The following ST6GALNAC3 variants were observed in gnomAD, a reference collection of about 807,000 sequenced individuals.
ST6GALNAC3 encodes the protein ST6 N-acetylgalactosaminide alpha-2,6-sialyltransferase 3.
Under a neutral mutation model 32.7 loss-of-function variants are expected in ST6GALNAC3, and 25 were observed. The observed-to-expected ratio is 0.76, with a 90% confidence interval of 0.56 to 1.07. The LOEUF (loss-of-function observed/expected upper bound fraction) is 1.07, where lower values mean the gene tolerates loss of function less well. ST6GALNAC3 is among the 50% of genes least tolerant of loss of function. The pLI, the probability that ST6GALNAC3 is intolerant of heterozygous loss-of-function variation, is 0.00. For missense variants in ST6GALNAC3, 355 were observed against 382.4 expected (o/e 0.93, Z 0.60); for synonymous variants, 129 against 133.1 (o/e 0.97, Z 0.21).
At chr1:76,248,333 A>G (rs545966967) in intron 1 of ST6GALNAC3, among the ~76,000 whole-genome samples, 1 of 152,204 alleles carries the variant, frequency 6.6e-6, no homozygotes, top group South Asian at 2.1e-4. Flanking sequence ...AGTTGAGACT[A>G]CTTTTCTTCT....
chr1:76,181,386 A>G (rs1653170237), intron 1 of ST6GALNAC3, among the ~76,000 whole-genome samples: 1 of 152,192 alleles, frequency 6.6e-6, no homozygotes, highest in African/African-American at 2.4e-5. Context: ...GCTACCTGCT[A>G]ATGGCTCCCA....
intron 1 of ST6GALNAC3, among the ~76,000 whole-genome samples, chr1:76,229,730 G>A (rs1287362391): frequency 6.6e-6 from 1 of 152,130 alleles, no homozygotes; most frequent in Non-Finnish European, 1.5e-5. Context: ...CTTTGGGGTG[G>A]GGGCTGTGGC....
chr1:76,369,637 G>T (rs1650659668), intron 2 of ST6GALNAC3, among the ~76,000 whole-genome samples: 1 of 152,046 alleles, frequency 6.6e-6, no homozygotes. Flanking sequence ...CTGAGTCTCA[G>T]CCTCTTCCTT....
chr1:76,523,924 T>G (rs750996945), intron 3 of ST6GALNAC3, among the ~76,000 whole-genome samples: 34 of 152,132 alleles, frequency 2.2e-4, no homozygotes, highest in Non-Finnish European at 4.3e-4. Flanking sequence ...TTTCCCAGTC[T>G]ACCCATGTCA....
At chr1:76,133,265 C>A (rs74092528) in intron 1 of ST6GALNAC3, among the ~76,000 whole-genome samples, 2,455 of 152,252 alleles carry the variant, frequency 0.016, 73 homozygotes, top group African/African-American at 0.056. Flanking sequence ...GTTTCATCTT[C>A]AGGGACACCA....
intron 3 of ST6GALNAC3, among the ~76,000 whole-genome samples, chr1:76,573,514 C>T (rs1242035224): frequency 6.6e-6 from 1 of 152,092 alleles, no homozygotes; most frequent in Non-Finnish European, 1.5e-5. Context: ...CTGCTCAGAA[C>T]TTAGTGTGAC....
At chr1:76,137,460 G>T (rs1650015390) in intron 1 of ST6GALNAC3, among the ~76,000 whole-genome samples, 1 of 152,206 alleles carries the variant, frequency 6.6e-6, no homozygotes. Context: ...CCAAGGGATG[G>T]TGGTCAAGAA....
At chr1:76,136,654 C>T (rs921923764) in intron 1 of ST6GALNAC3, among the ~76,000 whole-genome samples, 5 of 152,128 alleles carry the variant, frequency 3.3e-5, no homozygotes, top group African/African-American at 1.2e-4. Flanking sequence ...GGTTAAATAT[C>T]AGAACTGGGG....
intron 3 of ST6GALNAC3, among the ~76,000 whole-genome samples, chr1:76,427,684 C>G (rs1003152862): frequency 2.8e-4 from 42 of 151,760 alleles, no homozygotes; most frequent in African/African-American, 9.7e-4. Context: ...TTAAATCTAT[C>G]TAGTTCATTA....
chr1:76,220,050 A>C (rs946599878), intron 1 of ST6GALNAC3, among the ~76,000 whole-genome samples: 2 of 152,076 alleles, frequency 1.3e-5, no homozygotes, highest in African/African-American at 2.4e-5. Context: ...GTAATGGCAA[A>C]CTCAAAAGTA....
At chr1:76,545,523 T>G (rs1168265201) in intron 3 of ST6GALNAC3, among the ~76,000 whole-genome samples, 1 of 152,114 alleles carries the variant, frequency 6.6e-6, no homozygotes, top group Admixed American at 6.5e-5. Flanking sequence ...TAAAAATAAT[T>G]ATATTATACT....
At chr1:76,523,790 G>A (rs1342024131) in intron 3 of ST6GALNAC3, among the ~76,000 whole-genome samples, 1 of 152,106 alleles carries the variant, frequency 6.6e-6, no homozygotes, top group East Asian at 1.9e-4. Context: ...ATTTTGAGGG[G>A]AAAATCAGTT....
chr1:76,126,093 A>G (rs1454278558), intron 1 of ST6GALNAC3, among the ~76,000 whole-genome samples: 2 of 152,214 alleles, frequency 1.3e-5, no homozygotes, highest in African/African-American at 4.8e-5. Flanking sequence ...ATAGGGCCTC[A>G]TTTCTTTGCC....
intron 1 of ST6GALNAC3, among the ~76,000 whole-genome samples, chr1:76,203,642 G>T (rs1345146416): frequency 6.6e-6 from 1 of 152,004 alleles, no homozygotes; most frequent in Non-Finnish European, 1.5e-5. Flanking sequence ...AAAATGATTT[G>T]TATTTAGCAT....
At position 76,387,826 on chromosome 1, in the gene ST6GALNAC3, C is replaced by T. The variant is rs182374153; in HGVS notation, c.214-24182C>T. Reference sequence around the variant, plus strand: ...GCCAGGTCATATAAAATAGAATTTGCTACTATTACTTGTATTTGATTTCCC... The same window carrying T: ...GCCAGGTCATATAAAATAGAATTTGTTACTATTACTTGTATTTGATTTCCC... On this transcript the variant is annotated intron_variant, in intron 2 of 4. Coordinates refer to ENST00000328299, the MANE Select transcript of ST6GALNAC3 (RefSeq NM_152996.4). Among the ~76,000 whole-genome samples the T allele has an allele frequency of 1.6e-3, 246 of 152,136 alleles. 1 individual carries two copies. The highest frequency in any genetic ancestry group is 5.8e-3 in the African/African-American group (240 of 41,488).
chr1:76,366,903 C>G (rs914149714), intron 2 of ST6GALNAC3, among the ~76,000 whole-genome samples: 1 of 152,146 alleles, frequency 6.6e-6, no homozygotes, highest in Non-Finnish European at 1.5e-5. Flanking sequence ...AAAAGAGAGA[C>G]TAAGAAGTCT....
chr1:76,421,863 T>C (rs1433985399), intron 3 of ST6GALNAC3, among the ~76,000 whole-genome samples: 1 of 151,884 alleles, frequency 6.6e-6, no homozygotes, highest in African/African-American at 2.4e-5. Flanking sequence ...CCTGCAATAG[T>C]CCTCCATTTT....
intron 1 of ST6GALNAC3, among the ~76,000 whole-genome samples, chr1:76,159,027 G>C (rs1040289810): frequency 6.6e-6 from 1 of 152,172 alleles, no homozygotes; most frequent in South Asian, 2.1e-4. Context: ...TTTCCTGGGG[G>C]TGTGATGGAG....
At chr1:76,236,223 C>A (rs775061002) in intron 1 of ST6GALNAC3, among the ~76,000 whole-genome samples, 15 of 152,258 alleles carry the variant, frequency 9.9e-5, no homozygotes, top group Non-Finnish European at 1.8e-4. Flanking sequence ...GCTAGGATTA[C>A]AAGCCTGAGC....
Sources: allele counts gnomAD v4.1 joint callset (sites outside exome capture counted in the v4.1 genomes callset), GRCh38; gene constraint gnomAD v4.1.1; transcripts MANE v1.5; gene names NCBI Gene and HGNC (gene_info 2026-07-23, HGNC 2026-07-21).